The following COX10 variants were observed in gnomAD, a reference collection of about 807,000 sequenced individuals.
COX10 encodes the protein cytochrome c oxidase assembly factor heme A:farnesyltransferase COX10, also known as protoheme IX farnesyltransferase, mitochondrial.
In COX10, 27 loss-of-function variants were observed where a neutral mutation model predicts 37.3. The ratio of observed to expected loss-of-function variants is 0.72; its 90% CI spans 0.53 to 1.00. The LOEUF (loss-of-function observed/expected upper bound fraction) is 1.00, where lower values mean the gene tolerates loss of function less well. Among genes scored for constraint, COX10 ranks in the 50% least tolerant of loss-of-function variants. COX10 has a pLI of 0.00. For missense variants in COX10, 475 were observed against 563.2 expected (o/e 0.84, Z 1.59); for synonymous variants, 222 against 229.1 (o/e 0.97, Z 0.28).
Position 14,208,241 on chromosome 17 carries a change from G to C in COX10, c.*1028G>C, listed in dbSNP as rs1351219563. ...TTTAAGAGCCAGAAGCAGGGTTCTG[G>C]GAATTTTGCAAGTTATCCTGTGGCC... On this transcript the variant is annotated 3_prime_UTR_variant, in exon 7 of 7. Transcript: ENST00000261643. 1.3e-5 allele frequency: 2 copies of C among 152,212 alleles called. No individual in the cohort carries two copies. The highest frequency in any genetic ancestry group is 4.8e-5 in the African/African-American group (2 of 41,440). The allele number at this position is 152,212 out of a possible 1,614,324, so 9.4% of individuals were successfully genotyped here.
intron 2 of COX10, among the ~76,000 whole-genome samples, chr17:14,074,815 T>C (rs894413293): frequency 2.6e-5 from 4 of 152,246 alleles, no homozygotes; most frequent in Admixed American, 6.5e-5. Flanking sequence ...AATAATTGCT[T>C]TAACAGTGTG....
chr17:14,144,579 G>C (rs1296932915), intron 4 of COX10, among the ~76,000 whole-genome samples: 1 of 152,136 alleles, frequency 6.6e-6, no homozygotes, highest in Non-Finnish European at 1.5e-5. Context: ...GAAGTTTTTA[G>C]TGAGCTTTAA....
At chr17:14,154,519 C>T (rs1372721275) in intron 4 of COX10, among the ~76,000 whole-genome samples, 2 of 152,132 alleles carry the variant, frequency 1.3e-5, no homozygotes, top group Admixed American at 1.3e-4. Flanking sequence ...CAGACAAGTG[C>T]CATGGGGATT....
At chr17:14,138,210 T>C (rs1373061785) in intron 4 of COX10, among the ~76,000 whole-genome samples, 1 of 152,162 alleles carries the variant, frequency 6.6e-6, no homozygotes, top group African/African-American at 2.4e-5. Flanking sequence ...ATATGACATG[T>C]CAGAATCTGA....
chr17:14,155,557 T>C (rs1213400620), intron 4 of COX10, among the ~76,000 whole-genome samples: 1 of 151,550 alleles, frequency 6.6e-6, no homozygotes, highest in Non-Finnish European at 1.5e-5. Flanking sequence ...CTATTAAAAA[T>C]ACAAAAAATT....
chr17:14,167,325 G>A (rs138806660), intron 5 of COX10, among the ~76,000 whole-genome samples: 2,031 of 152,316 alleles, frequency 0.013, 14 homozygotes, highest in Middle Eastern at 0.048. Context: ...TGACGAAGAT[G>A]CTGTGAACAT....
chr17:14,147,566 G>C (rs1251219395), intron 4 of COX10, among the ~76,000 whole-genome samples: 1 of 152,066 alleles, frequency 6.6e-6, no homozygotes, highest in Non-Finnish European at 1.5e-5. Context: ...ATAAGACCTA[G>C]TATTTGATAG....
In COX10 at chr17:14,159,877, T is replaced by C. The variant is rs767032314; in HGVS notation, c.625T>C (p.Phe209Leu). 5.8e-5 allele frequency: 94 copies of C among 1,609,062 alleles called. No individual in the cohort carries two copies. In the East Asian group the frequency reaches 1.9e-3, roughly 32 times the overall value. Residue 209 changes from phenylalanine to leucine, a missense_variant and splice_region_variant, in exon 5 of 7, where the codon TTT becomes CTT. Coordinates refer to ENST00000261643, the MANE Select transcript of COX10 (RefSeq NM_001303.4). ...ASCAANSINQ[F>L]FEVPFDSNMN... Reference sequence around the variant, plus strand: ...CTGTCTTTTTTCATTCTTTTTACAGTTTTTTGAGGTGCCATTTGACTCAAA... The same window carrying C: ...CTGTCTTTTTTCATTCTTTTTACAGCTTTTTGAGGTGCCATTTGACTCAAA...
At chr17:14,104,254 G>A (rs1915844763) in intron 4 of COX10, among the ~76,000 whole-genome samples, 1 of 152,102 alleles carries the variant, frequency 6.6e-6, no homozygotes, top group African/African-American at 2.4e-5. Flanking sequence ...TAGAATCCTA[G>A]TGTTATCATT....
At chr17:14,117,472 A>G (rs1194398325) in intron 4 of COX10, among the ~76,000 whole-genome samples, 1 of 152,106 alleles carries the variant, frequency 6.6e-6, no homozygotes, top group Non-Finnish European at 1.5e-5. Flanking sequence ...TGTATTTTGG[A>G]TTTGTTTCTG....
chr17:14,101,658 AG>A (rs1915786238), intron 3 of COX10, among the ~76,000 whole-genome samples: 1 of 152,146 alleles, frequency 6.6e-6, no homozygotes, highest in African/African-American at 2.4e-5. Context: ...GACCACTCCT[AG>A]GCTTGTCTGC....
At chr17:14,159,562 A>C (rs1198722027) in intron 4 of COX10, among the ~76,000 whole-genome samples, 1 of 152,174 alleles carries the variant, frequency 6.6e-6, no homozygotes, top group Non-Finnish European at 1.5e-5. Flanking sequence ...GGATTTGGTT[A>C]TCCACACATG....
intron 5 of COX10, among the ~76,000 whole-genome samples, chr17:14,179,006 A>G (rs933864661): frequency 2.6e-5 from 4 of 152,226 alleles, no homozygotes; most frequent in Non-Finnish European, 4.4e-5. Flanking sequence ...ATCTAAAGCT[A>G]TGATTCTGCT....
At chr17:14,178,923 AAAGTACCT>A (rs1374764786) in intron 5 of COX10, among the ~76,000 whole-genome samples, 1 of 152,212 alleles carries the variant, frequency 6.6e-6, no homozygotes, top group African/African-American at 2.4e-5. Flanking sequence ...TGGGAGGACA[AAAGTACCT>A]AAGGCAAAGG....
chr17:14,155,618 G>A (rs1452389697), intron 4 of COX10, among the ~76,000 whole-genome samples: 1 of 151,954 alleles, frequency 6.6e-6, no homozygotes, highest in African/African-American at 2.4e-5. Flanking sequence ...GGGAGGCTGA[G>A]GCAGGAGAAT....
intron 4 of COX10, among the ~76,000 whole-genome samples, chr17:14,131,627 C>A (rs1400455122): frequency 1.3e-5 from 2 of 151,914 alleles, no homozygotes; most frequent in Non-Finnish European, 2.9e-5. Context: ...TAAAACATTT[C>A]ATTTTAAATG....
Position 14,207,064 on chromosome 17 carries a change from C to G in COX10, c.1183C>G (p.Leu395Val). The change falls in exon 7 of 7, where the codon CTC becomes GTC. Residue 395 changes from leucine (L) to valine (V), a missense_variant. Leu to Val is a conservative substitution (Grantham distance 32). Around this residue, in one of 5 missense-constraint regions of COX10, gnomAD observed 160 missense variants for 180.6 expected, o/e 0.89. Transcript: ENST00000261643. ...ALPINAYISYLGFRFYVDADR... is the reference protein window; with the variant it reads ...ALPINAYISYVGFRFYVDADR... ...TCCCATCAATGCGTACATCTCCTACCTCGGCTTCCGCTTCTACGTGGACGC... is the reference window on the plus strand; with the variant it reads ...TCCCATCAATGCGTACATCTCCTACGTCGGCTTCCGCTTCTACGTGGACGC... 1 of 1,614,082 alleles carries G rather than the reference C, an allele frequency of 6.2e-7. No homozygotes were observed. Among genetic ancestry groups the G allele is most frequent in the African/African-American group, 1.3e-5 (1 of 75,054 alleles).
intron 5 of COX10, among the ~76,000 whole-genome samples, chr17:14,189,900 G>A (rs935904072): frequency 6.6e-6 from 1 of 152,104 alleles, no homozygotes; most frequent in African/African-American, 2.4e-5. Flanking sequence ...GTATTACCTT[G>A]GGGGAAATAT....
chr17:14,197,735 T>A (rs1906410101), intron 6 of COX10, among the ~76,000 whole-genome samples: 1 of 152,214 alleles, frequency 6.6e-6, no homozygotes, highest in Non-Finnish European at 1.5e-5. Context: ...CGGCTTTCAG[T>A]CCAGTGCTTG....
Sources: gnomAD v4.1 joint callset for allele counts (sites outside exome capture counted in the v4.1 genomes callset) on GRCh38, gnomAD v4.1.1 for gene constraint, gnomAD v4.1.1 regional missense constraint, MANE v1.5 for transcripts, NCBI Gene and HGNC (gene_info 2026-07-23, HGNC 2026-07-21) for gene names.